COPA: variants seen among roughly 807,000 people sequenced by gnomAD.
The protein encoded by COPA is coatomer subunit alpha.
In COPA, 10 loss-of-function variants were observed where a neutral mutation model predicts 158.7. That is an observed-to-expected ratio of 0.06 (90% CI 0.04 to 0.11). COPA has a LOEUF of 0.11. COPA is among the 10% of genes least tolerant of loss of function. The pLI is 1.00. For synonymous variants in COPA, 462 were observed against 542.8 expected (o/e 0.85, Z 2.07); for missense variants, 1,065 against 1,536.7 (o/e 0.69, Z 5.13).
intron 4 of COPA, among the ~76,000 whole-genome samples, chr1:160,334,762 C>T (rs1373101803): frequency 6.6e-6 from 1 of 152,124 alleles, no homozygotes; most frequent in African/African-American, 2.4e-5. Flanking sequence ...TGTTACCTGG[C>T]AGATCAAAGA....
At chr1:160,312,216 C>T (rs1658990444) in intron 10 of COPA, among the ~76,000 whole-genome samples, 198 bp from the exon 11 acceptor site, 1 of 152,184 alleles carries the variant, frequency 6.6e-6, no homozygotes, top group African/African-American at 2.4e-5. Context: ...ACTATTCACA[C>T]TGCCACACTT....
Position 160,340,174 on chromosome 1 carries a change from A to G in COPA, c.154+7T>C, listed in dbSNP as rs1647972898. On this transcript the variant is annotated splice_region_variant and intron_variant, in intron 2 of 32. Coordinates refer to ENST00000241704, the MANE Select transcript of COPA (RefSeq NM_004371.4). ...ACTCCTTTAACTTCCTCCTAGAAAT[A>G]TCTCACCATCATGTTCATCAAACTT... is the stretch of plus-strand genomic sequence containing the variant. 6.3e-7 allele frequency: 1 copy of G among 1,596,728 alleles called. No homozygotes were observed. The highest frequency in any genetic ancestry group is 1.7e-5 in the Admixed American group (1 of 60,000).
chr1:160,305,096 T>C (rs926045696), intron 17 of COPA: 13 of 183,212 alleles, frequency 7.1e-5, no homozygotes, highest in Admixed American at 5.3e-4. Context: ...AGAATGTTAC[T>C]GTTGGTGGAA....
chr1:160,294,924 T>C (rs1658352782), intron 23 of COPA, 67 bp from the exon 24 acceptor site: 5 of 1,370,136 alleles, frequency 3.6e-6, no homozygotes, highest in African/African-American at 2.9e-5. Flanking sequence ...GCCTTTTCTG[T>C]AGGCAGGTTA....
chr1:160,320,619 A>AAAG (rs2101856389), intron 8 of COPA, among the ~76,000 whole-genome samples: 1 of 149,472 alleles, frequency 6.7e-6, no homozygotes. Flanking sequence ...AAAAAAAAAA[A>AAAG]AAAAAAAAAA....
Position 160,294,793 on chromosome 1 carries a change from C to T in COPA, c.2541G>A (p.Glu847=), listed in dbSNP as rs756355274. The change falls in exon 24 of 33, where the codon GAG becomes GAA. Residue 847 remains glutamate (E), a synonymous_variant. Transcript: ENST00000241704. ...CTTCATCCAACTGCAGCTCTGCATCCTCTCCCCAGCCCTCTGTACCAACAG... is the reference window on the plus strand; with the variant it reads ...CTTCATCCAACTGCAGCTCTGCATCTTCTCCCCAGCCCTCTGTACCAACAG... ...IDTVGTEGWG[E]DAELQLDEDG... is the part of the protein sequence containing the mutation. 7 of 1,614,152 alleles carry T rather than the reference C, an allele frequency of 4.3e-6. No homozygotes were observed. Among genetic ancestry groups the T allele is most frequent in the Non-Finnish European group, 5.9e-6 (7 of 1,180,012 alleles).
chr1:160,339,877 C>A (rs1396671056), intron 3 of COPA, 32 bp downstream of exon 3: 4 of 1,589,842 alleles, frequency 2.5e-6, no homozygotes, highest in South Asian at 1.1e-5. Flanking sequence ...ATCCTCTTTC[C>A]TTTATTCTCA....
intron 17 of COPA, chr1:160,305,105 A>C (rs990773154): frequency 1.0e-5 from 2 of 192,464 alleles, no homozygotes; most frequent in Non-Finnish European, 1.1e-5. Context: ...CTGTTGGTGG[A>C]AACAGGGAGG....
intron 19 of COPA, among the ~76,000 whole-genome samples, chr1:160,298,462 T>C (rs1658488354): frequency 6.6e-6 from 1 of 152,218 alleles, no homozygotes; most frequent in Non-Finnish European, 1.5e-5. Context: ...TAAGCTCTTT[T>C]CGCCTTAGAA....
intron 9 of COPA, among the ~76,000 whole-genome samples, 171 bp downstream of exon 9, chr1:160,313,819 T>G (rs1300344119): frequency 6.6e-6 from 1 of 152,224 alleles, no homozygotes; most frequent in Non-Finnish European, 1.5e-5. Flanking sequence ...GATTTCTATT[T>G]GATGGAAAAT....
intron 10 of COPA, among the ~76,000 whole-genome samples, chr1:160,312,825 A>G (rs953372791): frequency 8.5e-5 from 13 of 152,154 alleles, no homozygotes; most frequent in African/African-American, 2.9e-4. Flanking sequence ...ACCACCCAAT[A>G]TAAAGCAGCA....
chr1:160,327,965 TTATAA>T (rs771125962), intron 6 of COPA, among the ~76,000 whole-genome samples: 2 of 152,210 alleles, frequency 1.3e-5, no homozygotes, highest in Non-Finnish European at 2.9e-5. Flanking sequence ...TGTTTTAAAA[TTATAA>T]TATATCTCTT....
chr1:160,290,311 C>A, intron 32 of COPA, 95 bp from the exon 33 acceptor site: 1 of 1,457,672 alleles, frequency 6.9e-7, no homozygotes, highest in Middle Eastern at 1.8e-4. Context: ...GCACAGTAGA[C>A]AGGTATTGGG....
chr1:160,308,755 G>C (rs1658871848), intron 13 of COPA, among the ~76,000 whole-genome samples: 1 of 152,090 alleles, frequency 6.6e-6, no homozygotes, highest in African/African-American at 2.4e-5. Flanking sequence ...CCCAGGATGA[G>C]GCATTATAAG....
At chr1:160,320,294 T>C (rs1659290120) in intron 8 of COPA, among the ~76,000 whole-genome samples, 1 of 152,062 alleles carries the variant, frequency 6.6e-6, no homozygotes, top group Non-Finnish European at 1.5e-5. Flanking sequence ...GATATATTCC[T>C]AGACACATAC....
chr1:160,338,239 A>C (rs1047347504), intron 3 of COPA, among the ~76,000 whole-genome samples: 3 of 152,180 alleles, frequency 2.0e-5, no homozygotes, highest in Non-Finnish European at 4.4e-5. Context: ...TAATGAGGTG[A>C]TATCCTTATG....
At chr1:160,323,310 G>A in intron 8 of COPA, 121 bp downstream of exon 8, 1 of 522,452 alleles carries the variant, frequency 1.9e-6, no homozygotes, top group Non-Finnish European at 3.2e-6. Context: ...TATGCTCCTG[G>A]GATTAGCATT....
Position 160,289,909 on chromosome 1 carries a change from C to A in COPA, c.*248G>T. ...CCCAGCCCAGAGTTTTCATTTGTTC[C>A]TTAAAATAATTAAGCTGGAAAGGCA... On this transcript the variant is annotated 3_prime_UTR_variant, in exon 33 of 33. Coordinates refer to ENST00000241704, the MANE Select transcript of COPA (RefSeq NM_004371.4). 2.3e-6 allele frequency: 1 copy of A among 427,810 alleles called. No homozygotes were observed. The highest frequency in any genetic ancestry group is 4.2e-5 in the East Asian group (1 of 23,728). 26.5% of individuals were successfully genotyped at this position (427,810 alleles called of 1,614,324 possible). A position where few individuals can be genotyped will look rare whatever the true frequency, so the allele number is the denominator to read the frequency against.
At chr1:160,292,680 T>C (rs1237909643) in intron 27 of COPA, 60 bp from the exon 28 acceptor site, 3 of 1,384,020 alleles carry the variant, frequency 2.2e-6, no homozygotes, top group South Asian at 1.3e-5. Context: ...CTACTTTTCC[T>C]TGGGCAAGGT....
Sources: gnomAD v4.1 joint callset for allele counts (sites outside exome capture counted in the v4.1 genomes callset) on GRCh38, gnomAD v4.1.1 for gene constraint, MANE v1.5 for transcripts, NCBI Gene and HGNC (gene_info 2026-07-23, HGNC 2026-07-21) for gene names.